BCL11B: variants seen among roughly 807,000 people sequenced by gnomAD.
The protein encoded by BCL11B is B-cell lymphoma/leukemia 11B.
Under a neutral mutation model 49.9 loss-of-function variants are expected in BCL11B, and 8 were observed. The ratio of observed to expected loss-of-function variants is 0.16; its 90% CI spans 0.09 to 0.29. The LOEUF is 0.29. BCL11B is among the 10% of genes least tolerant of loss of function. The probability of loss-of-function intolerance (pLI) is 1.00; values close to 1 mark genes in which losing one functional copy is unlikely to be tolerated. For synonymous variants in BCL11B, 739 were observed against 637.4 expected (o/e 1.16, Z -2.40); for missense variants, 1,006 against 1,351.0 (o/e 0.74, Z 4.00).
Position 99,175,642 on chromosome 14 carries a change from G to T in BCL11B, c.1194C>A (p.Ser398Arg). Residue 398 changes from serine (S) to arginine (R), a missense_variant, in exon 4 of 4, where the codon AGC (serine) becomes AGA (arginine). Ser to Arg is a moderately radical substitution (Grantham distance 110). This residue lies in a region of BCL11B where 97 missense variants were observed against 81.5 expected (regional missense o/e 1.19). Transcript: ENST00000357195. ...MHRLLNPFQPSPKSPFLSTPP... is the reference protein window; with the variant it reads ...MHRLLNPFQPRPKSPFLSTPP... ...GCGTGCTCAGGAACGGGGACTTGGG[G>T]CTGGGCTGGAAGGGGTTCAGGAGCC... 1.9e-6 allele frequency: 3 copies of T among 1,561,766 alleles called. No homozygotes were observed. The highest frequency in any genetic ancestry group is 2.6e-6 in the Non-Finnish European group (3 of 1,163,328).
Position 99,208,024 on chromosome 14 carries a change from G to C in BCL11B, c.640+23321C>G, listed in dbSNP as rs564647215. Among the ~76,000 whole-genome samples, 12 of 152,318 alleles carry C rather than the reference G, an allele frequency of 7.9e-5. No individual in the cohort carries two copies. In the East Asian group the frequency reaches 2.3e-3, roughly 29 times the overall value. On this transcript the variant is annotated intron_variant, in intron 3 of 3. Coordinates refer to ENST00000357195, the MANE Select transcript of BCL11B (RefSeq NM_138576.4). ...AGATGCACCACGCCCAGCACAGAGC[G>C]GGTGCTTTGTAAATGAAGTCTACCC...
chr14:99,185,338 G>A (rs971004954), intron 3 of BCL11B, among the ~76,000 whole-genome samples: 9 of 152,102 alleles, frequency 5.9e-5, no homozygotes, highest in African/African-American at 2.2e-4. Flanking sequence ...TCAGGAGGCT[G>A]AGGCAGGAGA....
chr14:99,257,342 C>A lies in BCL11B; in HGVS notation c.427+129G>T. The A allele has an allele frequency of 1.6e-6, 2 of 1,269,124 alleles. No homozygotes were observed. The highest frequency in any genetic ancestry group is 2.1e-6 in the Non-Finnish European group (2 of 947,746). 78.6% of individuals were successfully genotyped at this position (1,269,124 alleles called of 1,614,324 possible). ...ATGGTGGACCCTCAGAAAGGGGGAG[C>A]CCCGGCTGGTGGCCCAGAGGCCATC... On this transcript the variant is annotated intron_variant, in intron 2 of 3. Transcript: ENST00000357195. The surrounding 1 kb of genome is among the most constrained non-coding windows in gnomAD (Gnocchi z 6.2).
At chr14:99,224,911 A>T (rs186870976) in intron 3 of BCL11B, among the ~76,000 whole-genome samples, 1 of 152,154 alleles carries the variant, frequency 6.6e-6, no homozygotes, top group Non-Finnish European at 1.5e-5. Flanking sequence ...ACACACATCC[A>T]TGCCACAGAG....
At chr14:99,210,709 G>T (rs1330513707) in intron 3 of BCL11B, among the ~76,000 whole-genome samples, 1 of 152,266 alleles carries the variant, frequency 6.6e-6, no homozygotes, top group Admixed American at 6.5e-5. Flanking sequence ...TTCCCACTGG[G>T]GAATAAGGAT....
In BCL11B at chr14:99,172,363, T is replaced by C. The variant is rs1283826408; in HGVS notation, c.*1788A>G. ...GGGTTTATTTCTTCATTTGATTGGG[T>C]CTTATGGCATTTCATATCCTCTATC... On this transcript the variant is annotated 3_prime_UTR_variant, in exon 4 of 4. Coordinates refer to ENST00000357195, the MANE Select transcript of BCL11B (RefSeq NM_138576.4). 4.5e-6 allele frequency: 1 copy of C among 223,016 alleles called. No homozygotes were observed. The highest frequency in any genetic ancestry group is 9.0e-6 in the Non-Finnish European group (1 of 111,532). The allele number at this position is 223,016 out of a possible 1,614,324, so 13.8% of individuals were successfully genotyped here. A position where few individuals can be genotyped will look rare whatever the true frequency, so the allele number is the denominator to read the frequency against.
At chr14:99,230,699 G>A (rs571317733) in intron 3 of BCL11B, among the ~76,000 whole-genome samples, 1 of 152,352 alleles carries the variant, frequency 6.6e-6, no homozygotes, top group African/African-American at 2.4e-5. Context: ...CCGCCCGGGA[G>A]AGCAGGATGA....
intron 2 of BCL11B, among the ~76,000 whole-genome samples, chr14:99,237,090 G>C (rs1430691719): frequency 6.6e-6 from 1 of 151,936 alleles, no homozygotes; most frequent in Non-Finnish European, 1.5e-5. Flanking sequence ...AGGGGGAGTG[G>C]CTGAGACAGC....
chr14:99,265,135 C>T (rs1055210494), intron 1 of BCL11B, among the ~76,000 whole-genome samples: 3 of 152,210 alleles, frequency 2.0e-5, no homozygotes, highest in African/African-American at 7.2e-5. Context: ...AGCATACTCA[C>T]GGCAGCTGGA....
At chr14:99,267,545 C>CCG (rs1491567242) in intron 1 of BCL11B, among the ~76,000 whole-genome samples, 3 of 1,260 alleles carry the variant, frequency 2.4e-3, no homozygotes, top group Non-Finnish European at 5.5e-3. Flanking sequence ...AGGAACTTCA[C>CCG]CCCCCCCCCA....
intron 2 of BCL11B, among the ~76,000 whole-genome samples, chr14:99,246,854 A>C (rs1888859190): frequency 6.6e-6 from 1 of 152,118 alleles, no homozygotes; most frequent in Non-Finnish European, 1.5e-5. Flanking sequence ...TGGAGATGGA[A>C]GGAAGTGAGA....
intron 2 of BCL11B, among the ~76,000 whole-genome samples, chr14:99,238,967 A>G (rs1888586085): frequency 6.6e-6 from 1 of 152,146 alleles, no homozygotes; most frequent in African/African-American, 2.4e-5. Context: ...TATTATCTAT[A>G]AGAGAGGTTC....
intron 3 of BCL11B, among the ~76,000 whole-genome samples, chr14:99,211,405 C>G (rs1034407415): frequency 2.6e-5 from 4 of 152,216 alleles, no homozygotes; most frequent in African/African-American, 9.6e-5. Context: ...TCCATCCTGG[C>G]CTGTGCCTTT....
intron 3 of BCL11B, among the ~76,000 whole-genome samples, chr14:99,188,470 T>G (rs1355502173): frequency 1.3e-5 from 2 of 152,130 alleles, no homozygotes; most frequent in Non-Finnish European, 2.9e-5. Flanking sequence ...TTCTTTTTTC[T>G]TTTCCTTTCT....
In BCL11B at chr14:99,170,402, T is replaced by C. The variant is rs1886250880; in HGVS notation, c.*3749A>G. On this transcript the variant is annotated 3_prime_UTR_variant, in exon 4 of 4. Transcript: ENST00000357195. ...TGAAATAATGGTTTCTTACATTTCC[T>C]GAAATAAAAAATGGCTTCCTGATAT... The C allele has an allele frequency of 4.5e-6, 1 of 224,206 alleles. No homozygotes were observed. The highest frequency in any genetic ancestry group is 8.9e-6 in the Non-Finnish European group (1 of 112,222). The allele number at this position is 224,206 out of a possible 1,614,324, so 13.9% of individuals were successfully genotyped here. A position where few individuals can be genotyped will look rare whatever the true frequency, so the allele number is the denominator to read the frequency against.
chr14:99,220,797 C>A (rs1466582607), intron 3 of BCL11B, among the ~76,000 whole-genome samples: 1 of 152,142 alleles, frequency 6.6e-6, no homozygotes, highest in Non-Finnish European at 1.5e-5. Flanking sequence ...ACTGGAGATA[C>A]ACAGAAAGCC....
intron 3 of BCL11B, among the ~76,000 whole-genome samples, chr14:99,191,489 C>CA (rs1887028751): frequency 6.6e-6 from 1 of 151,982 alleles, no homozygotes; most frequent in Admixed American, 6.5e-5. Context: ...ATTGAAAAGA[C>CA]AGAGAGAAGA....
chr14:99,207,023 A>G (rs77782611), intron 3 of BCL11B, among the ~76,000 whole-genome samples: 2 of 152,352 alleles, frequency 1.3e-5, no homozygotes, highest in African/African-American at 4.8e-5. Flanking sequence ...AAAACTCTCT[A>G]TGCTGAACTA....
At position 99,272,019 on chromosome 14, in the gene BCL11B, C is replaced by G. The variant is rs1889704584; in HGVS notation, c.-801G>C. ...GGCTGGCGCCGGCCGGAGGGGCTGC[C>G]GAGTCCCCGCGAGCGCTCCCCAGCG... On this transcript the variant is annotated 5_prime_UTR_variant, in exon 1 of 4. Coordinates refer to ENST00000357195, the MANE Select transcript of BCL11B (RefSeq NM_138576.4). The surrounding 1 kb of genome is among the most constrained non-coding windows in gnomAD (Gnocchi z 6.0). 6.6e-6 allele frequency among the ~76,000 whole-genome samples: 1 copy of G among 151,946 alleles called. No individual in the cohort carries two copies. Among genetic ancestry groups the G allele is most frequent in the Non-Finnish European group, 1.5e-5 (1 of 67,956 alleles).
Sources: gnomAD v4.1 joint callset for allele counts (sites outside exome capture counted in the v4.1 genomes callset) on GRCh38, gnomAD v4.1.1 for gene constraint, gnomAD v4.1.1 regional missense constraint, Gnocchi (gnomAD v3.1) non-coding constraint, MANE v1.5 for transcripts, NCBI Gene and HGNC (gene_info 2026-07-23, HGNC 2026-07-21) for gene names.